Variants in UBR4 observed in about 807,000 individuals in gnomAD.
The protein encoded by UBR4 is E3 ubiquitin-protein ligase UBR4.
A neutral mutation model predicts 575.6 loss-of-function variants in UBR4; 124 were observed. That is an observed-to-expected ratio of 0.22 (90% CI 0.19 to 0.25). The LOEUF is 0.25. Among genes scored for constraint, UBR4 ranks in the 10% least tolerant of loss-of-function variants. The probability of loss-of-function intolerance (pLI) is 1.00; values close to 1 mark genes in which losing one functional copy is unlikely to be tolerated. For missense variants in UBR4, 4,818 were observed against 6,478.8 expected (o/e 0.74, Z 8.80); for synonymous variants, 2,455 against 2,473.7 (o/e 0.99, Z 0.22).
intron 105 of UBR4, among the ~76,000 whole-genome samples, chr1:19,076,209 T>C (rs946876242): frequency 6.6e-6 from 1 of 152,230 alleles, no homozygotes; most frequent in Admixed American, 6.5e-5. Flanking sequence ...GGATAAGGAA[T>C]TGTCTGACCA....
At chr1:19,194,725 C>G (rs761220598) in intron 8 of UBR4, among the ~76,000 whole-genome samples, 59 of 152,132 alleles carry the variant, frequency 3.9e-4, no homozygotes, top group Non-Finnish European at 6.6e-4. Flanking sequence ...TCACTTGAAC[C>G]TGGGGGGCAG....
chr1:19,104,320 C>A, intron 86 of UBR4, 63 bp from the exon 87 acceptor site: 1 of 1,577,392 alleles, frequency 6.3e-7, no homozygotes, highest in South Asian at 1.1e-5. Context: ...CAGTCTGTGT[C>A]TCAAAAGATT....
intron 17 of UBR4, among the ~76,000 whole-genome samples, chr1:19,182,265 G>A (rs1486734905): frequency 6.6e-6 from 1 of 152,146 alleles, no homozygotes; most frequent in Non-Finnish European, 1.5e-5. Context: ...GAACATGGGT[G>A]GATAAACACC....
At position 19,148,192 on chromosome 1, in the gene UBR4, A is replaced by T. The variant is rs987207479; in HGVS notation, c.7495-65T>A. 3 of 1,533,836 alleles carry T rather than the reference A, an allele frequency of 2.0e-6. No individual in the cohort carries two copies. The African/African-American group carries it at 4.1e-5, about 21-fold the overall frequency. ...ACTCAAGGCAGAATGAACTATCTAC[A>T]CTCTGCCTGCCCTTCCTTCCTTCTA... On this transcript the variant is annotated intron_variant, in intron 50 of 105. Coordinates refer to ENST00000375254, the MANE Select transcript of UBR4 (RefSeq NM_020765.3).
At chr1:19,164,097 A>G (rs534740183) in intron 33 of UBR4, among the ~76,000 whole-genome samples, 156 bp downstream of exon 33, 1 of 152,342 alleles carries the variant, frequency 6.6e-6, no homozygotes, top group African/African-American at 2.4e-5. Flanking sequence ...GATGAAGTCT[A>G]AAGTGAACAG....
intron 20 of UBR4, among the ~76,000 whole-genome samples, chr1:19,176,263 T>C (rs1023486992): frequency 6.6e-6 from 1 of 151,954 alleles, no homozygotes; most frequent in Non-Finnish European, 1.5e-5. Flanking sequence ...AAATGTTGTT[T>C]GTATTTTTTC....
Position 19,084,671 on chromosome 1 carries a change from T to G in UBR4, c.14841A>C (p.Thr4947=). 1 of 1,612,676 alleles carries G rather than the reference T, an allele frequency of 6.2e-7. No homozygotes were observed. The highest frequency in any genetic ancestry group is 1.7e-4 in the Middle Eastern group (1 of 6,056). ...GCTGATACGTGGGCTCCCGCTGGCC[T>G]GTACATTCCTGGAGGTAAGTGTTGT... The part of the protein sequence containing the change: ...ARHNTYLQEC[T]GQREPTYQLN... The change falls in exon 102 of 106, where the codon ACA becomes ACC. Residue 4947 remains threonine, a synonymous_variant. Coordinates refer to ENST00000375254, the MANE Select transcript of UBR4 (RefSeq NM_020765.3).
At position 19,093,230 on chromosome 1, in the gene UBR4, C is replaced by T. The variant is rs1224380255; in HGVS notation, c.14111+83G>A. On this transcript the variant is annotated intron_variant, in intron 96 of 105. Transcript: ENST00000375254. This position sits in a 1 kb window ranked among gnomAD's most constrained non-coding sequence, Gnocchi z 4.8. ...AGGAGGGCAAGGGGCACACGTGAAG[C>T]TTTATGCCAAGATGCTGATGGAGAA... The T allele has an allele frequency of 6.5e-7, 1 of 1,537,986 alleles. No homozygotes were observed. Among genetic ancestry groups the T allele is most frequent in the Non-Finnish European group, 8.8e-7 (1 of 1,133,616 alleles).
rs771889548 is a variant in UBR4 at position 19,185,336 on chromosome 1, T to G, written c.1751-50A>C. On this transcript the variant is annotated intron_variant, in intron 14 of 105. Coordinates refer to ENST00000375254, the MANE Select transcript of UBR4 (RefSeq NM_020765.3). Reference sequence around the variant, plus strand: ...GAAAATAAATATTTTTTAAAAGTGTTTTTGGTGCATCTGCTTCCTAAAAGT... The same window carrying G: ...GAAAATAAATATTTTTTAAAAGTGTGTTTGGTGCATCTGCTTCCTAAAAGT... 2.7e-6 allele frequency: 4 copies of G among 1,495,564 alleles called. No individual in the cohort carries two copies. In the African/African-American group the frequency reaches 5.7e-5, roughly 21 times the overall value. The allele number at this position is 1,495,564 out of a possible 1,614,324, so 92.6% of individuals were successfully genotyped here. A position where few individuals can be genotyped will look rare whatever the true frequency, so the allele number is the denominator to read the frequency against.
chr1:19,126,386 G>C, intron 64 of UBR4, 60 bp downstream of exon 64: 1 of 1,601,648 alleles, frequency 6.2e-7, no homozygotes, highest in South Asian at 1.1e-5. Context: ...GCACCGCGAG[G>C]AAAGAGAAGA....
chr1:19,097,132 T>G (rs1172757834), intron 91 of UBR4, 61 bp downstream of exon 91: 1 of 1,454,890 alleles, frequency 6.9e-7, no homozygotes, highest in East Asian at 2.3e-5. Flanking sequence ...CCCTAAGTCC[T>G]GGGACGTGAG....
At chr1:19,086,069 A>T in intron 101 of UBR4, 76 bp downstream of exon 101, 1 of 1,555,908 alleles carries the variant, frequency 6.4e-7, no homozygotes. Flanking sequence ...TCACCAGGGG[A>T]TTGGGCTGAT....
intron 87 of UBR4, among the ~76,000 whole-genome samples, chr1:19,103,842 A>G (rs1282023076): frequency 6.6e-6 from 1 of 152,220 alleles, no homozygotes; most frequent in Non-Finnish European, 1.5e-5. Context: ...CCAATGAGAG[A>G]GCCTTTGACC....
chr1:19,081,298 A>C, intron 103 of UBR4, 51 bp downstream of exon 103: 1 of 1,501,692 alleles, frequency 6.7e-7, no homozygotes, highest in Non-Finnish European at 9.0e-7. Flanking sequence ...CAGCTTTTCA[A>C]AACTGATGAT....
chr1:19,154,529 T>C (rs2086182365), intron 44 of UBR4, among the ~76,000 whole-genome samples: 1 of 152,196 alleles, frequency 6.6e-6, no homozygotes, highest in Admixed American at 6.5e-5. Context: ...ACTGATACGT[T>C]CTATTTGCTA....
At chr1:19,150,920 T>C in intron 48 of UBR4, 127 bp from the exon 49 acceptor site, 1 of 914,670 alleles carries the variant, frequency 1.1e-6, no homozygotes. Flanking sequence ...AGAAACTTTA[T>C]CTTCTGAGAT....
chr1:19,132,605 TA>T, intron 60 of UBR4, among the ~76,000 whole-genome samples: 304 of 24,098 alleles, frequency 0.013, 4 homozygotes, highest in African/African-American at 0.045. Context: ...TAAAAAATGG[TA>T]AAAAAAAAAA....
chr1:19,121,249 T>C lies in UBR4; in HGVS notation c.10081A>G (p.Thr3361Ala), dbSNP rs1277401189. The stretch of plus-strand genomic sequence containing the variant: ...TTTTTAGTGGAAGACTTGGACTGTG[T>C]TGTGGCTTGTCCAGAACTGGCAGCC... ...PVAASSGQAT[T>A]QSKSSTKKSK... Residue 3361 changes from threonine to alanine, a missense_variant, in exon 68 of 106, where the codon ACA (threonine) becomes GCA (alanine). Physicochemically the swap from Thr to Ala is moderately conservative, Grantham distance 58. Around this residue, in one of 29 missense-constraint regions of UBR4, gnomAD observed 550 missense variants for 791.5 expected, o/e 0.69. Coordinates refer to ENST00000375254, the MANE Select transcript of UBR4 (RefSeq NM_020765.3). 5 of 1,614,092 alleles carry C rather than the reference T, an allele frequency of 3.1e-6. No individual in the cohort carries two copies. Among genetic ancestry groups the C allele is most frequent in the Middle Eastern group, 3.3e-4 (2 of 6,084 alleles).
chr1:19,152,267 G>A lies in UBR4; in HGVS notation c.6996+46C>T, dbSNP rs1400121784. ...GATGTGTTCTCAAACCATATTGTTT[G>A]AGTCCTTCTACCCAGGGATTGATCC... On this transcript the variant is annotated intron_variant, in intron 47 of 105. Transcript: ENST00000375254. The surrounding 1 kb of genome is among the most constrained non-coding windows in gnomAD (Gnocchi z 4.4). The A allele has an allele frequency of 3.1e-6, 5 of 1,606,976 alleles. No homozygotes were observed. The highest frequency in any genetic ancestry group is 4.3e-6 in the Non-Finnish European group (5 of 1,174,602).
Sources: allele counts gnomAD v4.1 joint callset (sites outside exome capture counted in the v4.1 genomes callset), GRCh38; gene constraint gnomAD v4.1.1; regional missense constraint gnomAD v4.1.1; non-coding constraint Gnocchi (gnomAD v3.1); transcripts MANE v1.5; gene names NCBI Gene and HGNC (gene_info 2026-07-23, HGNC 2026-07-21).